The following ZIC2 variants were observed in gnomAD, a reference collection of about 807,000 sequenced individuals.
ZIC2 encodes Zic family zinc finger 2.
In ZIC2, 7 loss-of-function variants were observed where a neutral mutation model predicts 29.5. That is an observed-to-expected ratio of 0.24 (90% CI 0.14 to 0.45). The LOEUF (loss-of-function observed/expected upper bound fraction) is 0.45, where lower values mean the gene tolerates loss of function less well. Among genes scored for constraint, ZIC2 ranks in the 20% least tolerant of loss-of-function variants. The pLI is 1.00. For synonymous variants in ZIC2, 408 were observed against 354.2 expected (o/e 1.15, Z -1.70); for missense variants, 589 against 781.2 (o/e 0.75, Z 2.93).
rs750353976 is a variant in ZIC2, at chr13:99,985,666, A to G, written c.1583A>G (p.Asn528Ser). 9 of 1,323,250 alleles carry G rather than the reference A, an allele frequency of 6.8e-6. No individual in the cohort carries two copies. Among genetic ancestry groups the G allele is most frequent in the Non-Finnish European group, 8.9e-6 (9 of 1,014,564 alleles). 82.0% of individuals were successfully genotyped at this position (1,323,250 alleles called of 1,614,324 possible). The change falls in exon 3 of 3, where the codon AAT becomes AGT. Residue 528 changes from asparagine (N) to serine (S), a missense_variant. Asn to Ser is a conservative substitution (Grantham distance 46). Transcript: ENST00000376335. The surrounding 1 kb of genome is among the most constrained non-coding windows in gnomAD (Gnocchi z 6.3). ...CACAGCGGCCTCTCCTCCAACTTCA[A>G]TGAATGGTACGTGTGACGGGTCGGG... ...GGHSGLSSNF[N>S]EWYV
In ZIC2 at chr13:99,985,268, A is replaced by G; in HGVS notation, c.1240-55A>G. 6.2e-7 allele frequency: 1 copy of G among 1,601,216 alleles called. No individual in the cohort carries two copies. Among genetic ancestry groups the G allele is most frequent in the East Asian group, 2.2e-5 (1 of 44,746 alleles). On this transcript the variant is annotated intron_variant, in intron 2 of 2. Transcript: ENST00000376335. The surrounding 1 kb of genome is among the most constrained non-coding windows in gnomAD (Gnocchi z 6.3). ...TCCCCCAGGGGCCCGGCCCCACAGC[A>G]GCTGCACTCACACCCAGTCCCCTCT...
At position 99,985,475 on chromosome 13, in the gene ZIC2, T is replaced by TGCG. The variant is rs753250735; in HGVS notation, c.1404_1406dup (p.Ala470dup). 2.2e-5 allele frequency: 28 copies of TGCG among 1,291,838 alleles called. No homozygotes were observed. Among genetic ancestry groups the TGCG allele is most frequent in the African/African-American group, 7.9e-5 (5 of 63,248 alleles). The allele number at this position is 1,291,838 out of a possible 1,614,324, so 80.0% of individuals were successfully genotyped here. On this transcript the variant is annotated inframe_insertion, in exon 3 of 3. Coordinates refer to ENST00000376335, the MANE Select transcript of ZIC2 (RefSeq NM_007129.5). The surrounding 1 kb of genome is among the most constrained non-coding windows in gnomAD (Gnocchi z 6.3). Reference sequence around the variant, plus strand: ...CGGCGGCGGCAGCGGCGGCGGCGGCTGCGGCGGCGGCGGCCGCGGTGTCCG... The same window carrying TGCG: ...CGGCGGCGGCAGCGGCGGCGGCGGCTGCGGCGGCGGCGGCGGCCGCGGTGTCCG...
Position 99,982,901 on chromosome 13 carries a change from C to T in ZIC2, c.837C>T (p.Thr279=). The change falls in exon 1 of 3, where the codon ACC becomes ACT. Residue 279 remains threonine, a synonymous_variant. Coordinates refer to ENST00000376335, the MANE Select transcript of ZIC2 (RefSeq NM_007129.5). ...PKKSCNKTFS[T]MHELVTHVSV... ...AGAGCTGCAACAAAACTTTCAGCAC[C>T]ATGCACGAGCTGGTGACACACGTCT... 1 of 1,613,750 alleles carries T rather than the reference C, an allele frequency of 6.2e-7. No individual in the cohort carries two copies.
At position 99,981,929 on chromosome 13, in the gene ZIC2, C is replaced by G; in HGVS notation, c.-136C>G. 1 of 1,215,660 alleles carries G rather than the reference C, an allele frequency of 8.2e-7. No individual in the cohort carries two copies. Among genetic ancestry groups the G allele is most frequent in the Non-Finnish European group, 1.0e-6 (1 of 977,200 alleles). The allele number at this position is 1,215,660 out of a possible 1,614,324, so 75.3% of individuals were successfully genotyped here. On this transcript the variant is annotated 5_prime_UTR_variant, in exon 1 of 3. Coordinates refer to ENST00000376335, the MANE Select transcript of ZIC2 (RefSeq NM_007129.5). ...GCGGCGGGCGCAGGAGAGCGGCTCCCAGGGCTGAAGTGGCCGCCACCACCG... is the reference window on the plus strand; with the variant it reads ...GCGGCGGGCGCAGGAGAGCGGCTCCGAGGGCTGAAGTGGCCGCCACCACCG...
chr13:99,982,435 G>A lies in ZIC2; in HGVS notation c.371G>A (p.Arg124His). 6.9e-7 allele frequency: 1 copy of A among 1,448,436 alleles called. No individual in the cohort carries two copies. Among genetic ancestry groups the A allele is most frequent in the Admixed American group, 3.2e-5 (1 of 31,726 alleles). 89.7% of individuals were successfully genotyped at this position (1,448,436 alleles called of 1,614,324 possible). Reference sequence around the variant, plus strand: ...ACCCGGGACTTCCTGTTCCGCAGCCGCGGCTTCGGGGACTCGGCGCCGGGC... The same window carrying A: ...ACCCGGGACTTCCTGTTCCGCAGCCACGGCTTCGGGGACTCGGCGCCGGGC... ...NSTRDFLFRS[R>H]GFGDSAPGGG... The change falls in exon 1 of 3, where the codon CGC (arginine) becomes CAC (histidine). Residue 124 changes from arginine (R) to histidine (H), a missense_variant. Arg to His is a conservative substitution (Grantham distance 29). Transcript: ENST00000376335.
At chr13:99,984,837 G>C (rs1169664351) in intron 1 of ZIC2, 109 bp from the exon 2 acceptor site, 1 of 1,413,362 alleles carries the variant, frequency 7.1e-7, no homozygotes, top group Non-Finnish European at 9.9e-7. Context: ...GAGGGACCCA[G>C]CCCCCTCAGG....
intron 1 of ZIC2, chr13:99,984,656 G>A (rs1043221718): frequency 2.7e-5 from 12 of 441,468 alleles, no homozygotes; most frequent in African/African-American, 2.4e-4. Context: ...AATCCAAGAA[G>A]CCCTCTAGAA....
In ZIC2 at chr13:99,984,968, G is replaced by A; in HGVS notation, c.1098G>A (p.Glu366=). The A allele has an allele frequency of 2.5e-6, 4 of 1,614,128 alleles. No individual in the cohort carries two copies. The highest frequency in any genetic ancestry group is 3.4e-6 in the Non-Finnish European group (4 of 1,179,984). ...CAGGGGAGAAGCCGTTCCAGTGTGA[G>A]TTTGAGGGCTGCGACCGGCGCTTCG... is the stretch of plus-strand genomic sequence containing the variant. ...THTGEKPFQC[E]FEGCDRRFAN... is the part of the protein sequence containing the mutation. Residue 366 remains glutamate, a synonymous_variant, in exon 2 of 3, where the codon GAG becomes GAA. Coordinates refer to ENST00000376335, the MANE Select transcript of ZIC2 (RefSeq NM_007129.5).
At chr13:99,984,081 A>G (rs1336378004) in intron 1 of ZIC2, among the ~76,000 whole-genome samples, 1 of 152,198 alleles carries the variant, frequency 6.6e-6, no homozygotes, top group Non-Finnish European at 1.5e-5. Context: ...AATTTGAGAA[A>G]TTTATTTGCA....
At position 99,982,445 on chromosome 13, in the gene ZIC2, G is replaced by A; in HGVS notation, c.381G>A (p.Gly127=). 1.4e-6 allele frequency: 2 copies of A among 1,438,320 alleles called. No individual in the cohort carries two copies. Among genetic ancestry groups the A allele is most frequent in the Non-Finnish European group, 1.8e-6 (2 of 1,102,548 alleles). The allele number at this position is 1,438,320 out of a possible 1,614,324, so 89.1% of individuals were successfully genotyped here. A position where few individuals can be genotyped will look rare whatever the true frequency, so the allele number is the denominator to read the frequency against. ...RDFLFRSRGF[G]DSAPGGGQHG... ...TCCTGTTCCGCAGCCGCGGCTTCGG[G>A]GACTCGGCGCCGGGCGGCGGGCAGC... Residue 127 remains glycine (G), a synonymous_variant, in exon 1 of 3, where the codon GGG becomes GGA. Transcript: ENST00000376335.
In ZIC2 at chr13:99,981,787, C is replaced by A; in HGVS notation, c.-278C>A. 1 of 538,526 alleles carries A rather than the reference C, an allele frequency of 1.9e-6. No homozygotes were observed. The highest frequency in any genetic ancestry group is 3.0e-6 in the Non-Finnish European group (1 of 327,890). The allele number at this position is 538,526 out of a possible 1,614,324, so 33.4% of individuals were successfully genotyped here. A position where few individuals can be genotyped will look rare whatever the true frequency, so the allele number is the denominator to read the frequency against. On this transcript the variant is annotated 5_prime_UTR_variant, in exon 1 of 3. Coordinates refer to ENST00000376335, the MANE Select transcript of ZIC2 (RefSeq NM_007129.5). The stretch of plus-strand genomic sequence containing the variant: ...CTTTGGTTCTCCGCCTGGCTTTGGA[C>A]TCTTCTCCTCCTCCACCTCCTCCTC...
At chr13:99,984,196 A>C (rs2053250868) in intron 1 of ZIC2, 1 of 152,474 alleles carries the variant, frequency 6.6e-6, no homozygotes, top group African/African-American at 2.4e-5. Context: ...AAGTGGAACG[A>C]CGTTTGAGTT....
Position 99,983,307 on chromosome 13 carries a change from C to T in ZIC2, c.1075+168C>T, listed in dbSNP as rs1422690610. ...GCAGCTTGTTTCTGTTGGACGATGA[C>T]AATATTATTGGGCTAGGTTTTTCCA... On this transcript the variant is annotated intron_variant, in intron 1 of 2. Coordinates refer to ENST00000376335, the MANE Select transcript of ZIC2 (RefSeq NM_007129.5). This position sits in a 1 kb window ranked among gnomAD's most constrained non-coding sequence, Gnocchi z 4.7. Among the ~76,000 whole-genome samples the T allele has an allele frequency of 1.3e-5, 2 of 152,174 alleles. No individual in the cohort carries two copies. The highest frequency in any genetic ancestry group is 4.8e-5 in the African/African-American group (2 of 41,444).
In ZIC2 at chr13:99,985,353, T is replaced by C. The variant is rs777835293; in HGVS notation, c.1270T>C (p.Ser424Pro). 6.3e-7 allele frequency: 1 copy of C among 1,597,536 alleles called. No homozygotes were observed. The highest frequency in any genetic ancestry group is 8.5e-7 in the Non-Finnish European group (1 of 1,179,258). Residue 424 changes from serine to proline, a missense_variant, in exon 3 of 3, where the codon TCC becomes CCC. Physicochemically the swap from Ser to Pro is moderately conservative, Grantham distance 74 (BLOSUM62 -1). This residue lies in a region of ZIC2 where 36 missense variants were observed against 72.9 expected (regional missense o/e 0.49). Coordinates refer to ENST00000376335, the MANE Select transcript of ZIC2 (RefSeq NM_007129.5). The surrounding 1 kb of genome is among the most constrained non-coding windows in gnomAD (Gnocchi z 6.3). The part of the protein sequence containing the change: ...VHESSPQGSE[S>P]SPAASSGYES... ...TGAGTCCTCCCCGCAGGGCTCTGAATCCTCCCCGGCCGCCAGCTCCGGCTA... is the reference window on the plus strand; with the variant it reads ...TGAGTCCTCCCCGCAGGGCTCTGAACCCTCCCCGGCCGCCAGCTCCGGCTA...
At position 99,983,207 on chromosome 13, in the gene ZIC2, G is replaced by C; in HGVS notation, c.1075+68G>C. On this transcript the variant is annotated intron_variant, in intron 1 of 2. Coordinates refer to ENST00000376335, the MANE Select transcript of ZIC2 (RefSeq NM_007129.5). The surrounding 1 kb of genome is among the most constrained non-coding windows in gnomAD (Gnocchi z 4.7). Reference sequence around the variant, plus strand: ...ACGCACAGGCTGAGACTCAGGCTGTGGGTGCCGACGCTGGGCGCAGACCGC... The same window carrying C: ...ACGCACAGGCTGAGACTCAGGCTGTCGGTGCCGACGCTGGGCGCAGACCGC... The C allele has an allele frequency of 6.4e-7, 1 of 1,562,990 alleles. No homozygotes were observed. The highest frequency in any genetic ancestry group is 8.6e-7 in the Non-Finnish European group (1 of 1,157,238).
Position 99,981,877 on chromosome 13 carries a change from C to T in ZIC2, c.-188C>T, listed in dbSNP as rs765635316. 2 of 1,218,344 alleles carry T rather than the reference C, an allele frequency of 1.6e-6. No homozygotes were observed. The highest frequency in any genetic ancestry group is 1.5e-5 in the South Asian group (1 of 68,590). 75.5% of individuals were successfully genotyped at this position (1,218,344 alleles called of 1,614,324 possible). A position where few individuals can be genotyped will look rare whatever the true frequency, so the allele number is the denominator to read the frequency against. On this transcript the variant is annotated 5_prime_UTR_variant, in exon 1 of 3. Transcript: ENST00000376335. The stretch of plus-strand genomic sequence containing the variant: ...GCGCCTTCGCTACGCGCCCGGCCGC[C>T]CGAGGCAGATCCAGGCGGCGGCGGA...
In ZIC2 at chr13:99,982,305, G is replaced by GGCCCCGGCGCCT. The variant is rs749491525; in HGVS notation, c.242_253dup (p.Ala84_Tyr85insCysProGlyAla). On this transcript the variant is annotated inframe_insertion, in exon 1 of 3. Transcript: ENST00000376335. ...CCAGAGCTCGGCGTTCACGTCGCAG[G>GGCCCCGGCGCCT]GCCCCGGCGCCTACCCCGGCTCCGC... is the stretch of plus-strand genomic sequence containing the variant. 12 of 1,482,164 alleles carry GGCCCCGGCGCCT rather than the reference G, an allele frequency of 8.1e-6. No homozygotes were observed. The South Asian group carries it at 1.3e-4, about 16-fold the overall frequency. 91.8% of individuals were successfully genotyped at this position (1,482,164 alleles called of 1,614,324 possible).
Position 99,985,630 on chromosome 13 carries a change from C to A in ZIC2, c.1547C>A (p.Thr516Lys). 8.0e-7 allele frequency: 1 copy of A among 1,251,336 alleles called. No individual in the cohort carries two copies. The highest frequency in any genetic ancestry group is 1.0e-6 in the Non-Finnish European group (1 of 980,702). The allele number at this position is 1,251,336 out of a possible 1,614,324, so 77.5% of individuals were successfully genotyped here. ...GGCAGCTCTGGCGGGGGCAGCGGGACAGCCGGGGGTCACAGCGGCCTCTCC... is the reference window on the plus strand; with the variant it reads ...GGCAGCTCTGGCGGGGGCAGCGGGAAAGCCGGGGGTCACAGCGGCCTCTCC... ...GGGSSGGGSG[T>K]AGGHSGLSSN... Residue 516 changes from threonine (T) to lysine (K), a missense_variant, in exon 3 of 3, where the codon ACA becomes AAA. Thr to Lys is a moderately conservative substitution (Grantham distance 78). This residue lies in a region of ZIC2 where 135 missense variants were observed against 136.7 expected (regional missense o/e 0.99). Transcript: ENST00000376335. The surrounding 1 kb of genome is among the most constrained non-coding windows in gnomAD (Gnocchi z 6.3).
In ZIC2 at chr13:99,985,214, C is replaced by T; in HGVS notation, c.1239+105C>T. ...CTGGGAGGGTCCCCAGGGGCCAGGG[C>T]GGCGGGGGGAACATTTCTGGGGGTG... On this transcript the variant is annotated intron_variant, in intron 2 of 2. Transcript: ENST00000376335. The surrounding 1 kb of genome is among the most constrained non-coding windows in gnomAD (Gnocchi z 6.3). The T allele has an allele frequency of 1.2e-6, 2 of 1,602,472 alleles. No homozygotes were observed. The highest frequency in any genetic ancestry group is 1.1e-5 in the South Asian group (1 of 90,594).
Sources: gnomAD v4.1 joint callset for allele counts (sites outside exome capture counted in the v4.1 genomes callset) on GRCh38, gnomAD v4.1.1 for gene constraint, gnomAD v4.1.1 regional missense constraint, Gnocchi (gnomAD v3.1) non-coding constraint, MANE v1.5 for transcripts, NCBI Gene and HGNC (gene_info 2026-07-23, HGNC 2026-07-21) for gene names.